The following ARSB variants were observed in gnomAD, a reference collection of about 807,000 sequenced individuals.
ARSB encodes N-acetylgalactosamine-4-sulfatase.
In ARSB, 41 loss-of-function variants were observed where a neutral mutation model predicts 50.9. The observed-to-expected ratio is 0.81, with a 90% confidence interval of 0.63 to 1.04. The LOEUF is 1.04. ARSB is among the 50% of genes least tolerant of loss of function. The pLI, the probability that ARSB is intolerant of heterozygous loss-of-function variation, is 0.00. For missense variants in ARSB, 672 were observed against 693.3 expected (o/e 0.97, Z 0.35); for synonymous variants, 269 against 284.8 (o/e 0.94, Z 0.56).
At chr5:78,907,028 A>G (rs1407671151) in intron 4 of ARSB, among the ~76,000 whole-genome samples, 3 of 152,210 alleles carry the variant, frequency 2.0e-5, no homozygotes, top group Admixed American at 6.5e-5. Context: ...CTTTCGAGGG[A>G]GGCAACATCC....
intron 6 of ARSB, chr5:78,816,260 A>G: frequency 6.6e-7 from 1 of 1,504,304 alleles, no homozygotes; most frequent in Non-Finnish European, 9.0e-7. Context: ...CTCCTTCATT[A>G]TTCTAGTGCC....
intron 4 of ARSB, among the ~76,000 whole-genome samples, chr5:78,898,305 C>T (rs1308030423): frequency 6.6e-6 from 1 of 152,244 alleles, no homozygotes; most frequent in East Asian, 1.9e-4. Flanking sequence ...AAGAAAATTT[C>T]AGGCCCAAAT....
rs1238565304 is a variant in ARSB, at chr5:78,781,893, GCAGCATGGA to G, written c.1286_1294del (p.Val429_Ala431del). 3.1e-6 allele frequency: 5 copies of G among 1,614,074 alleles called. No homozygotes were observed. Among genetic ancestry groups the G allele is most frequent in the Non-Finnish European group, 4.2e-6 (5 of 1,179,948 alleles). Reference sequence around the variant, plus strand: ...GAGTTTCCAATTTCCATGTCTAATTGCAGCATGGACAGATGTGTTAAAGGCTGAATATTC... The same window carrying G: ...GAGTTTCCAATTTCCATGTCTAATTGCAGATGTGTTAAAGGCTGAATATTC... On this transcript the variant is annotated inframe_deletion, in exon 7 of 8. Coordinates refer to ENST00000264914, the MANE Select transcript of ARSB (RefSeq NM_000046.5).
At chr5:78,966,500 C>G (rs1191023264) in intron 2 of ARSB, among the ~76,000 whole-genome samples, 1 of 152,206 alleles carries the variant, frequency 6.6e-6, no homozygotes, top group African/African-American at 2.4e-5. Flanking sequence ...TATTCACAGG[C>G]TTGTGCAACT....
intron 4 of ARSB, among the ~76,000 whole-genome samples, chr5:78,909,346 CTG>C (rs1361977732): frequency 6.6e-6 from 1 of 152,122 alleles, no homozygotes; most frequent in East Asian, 1.9e-4. Context: ...AAAAAATAAT[CTG>C]TGTCTGTGTT....
chr5:78,790,959 C>A (rs1749218577), intron 6 of ARSB, among the ~76,000 whole-genome samples: 1 of 152,222 alleles, frequency 6.6e-6, no homozygotes, highest in African/African-American at 2.4e-5. Context: ...TAATTTACCA[C>A]TTTTAGTCTG....
chr5:78,784,278 A>T (rs959242569), intron 6 of ARSB, among the ~76,000 whole-genome samples: 1 of 152,254 alleles, frequency 6.6e-6, no homozygotes, highest in African/African-American at 2.4e-5. Flanking sequence ...TCAAAAAATT[A>T]AAAATAGAAC....
chr5:78,843,976 T>C (rs1745338110), intron 5 of ARSB, among the ~76,000 whole-genome samples: 1 of 152,228 alleles, frequency 6.6e-6, no homozygotes, highest in Admixed American at 6.5e-5. Context: ...TTGATTGTTT[T>C]CAATATTTGG....
rs979052464 is a variant in ARSB at position 78,956,643 on chromosome 5, T to C, written c.691-1141A>G. ...TCCAAACAAATAATAATATCAGTAA[T>C]GGCAACCACATATTAAATGTTGTCT... is the stretch of plus-strand genomic sequence containing the variant. On this transcript the variant is annotated intron_variant, in intron 3 of 7. Transcript: ENST00000264914. 5.5e-4 allele frequency among the ~76,000 whole-genome samples: 84 copies of C among 152,202 alleles called. 1 individual carries two copies. The highest frequency in any genetic ancestry group is 1.0e-3 in the Non-Finnish European group (70 of 68,030).
intron 6 of ARSB, among the ~76,000 whole-genome samples, chr5:78,798,530 A>G (rs1226814242): frequency 6.6e-6 from 1 of 152,150 alleles, no homozygotes. Context: ...ATTTAGTGCA[A>G]TCCCAACCAC....
intron 6 of ARSB, among the ~76,000 whole-genome samples, chr5:78,813,762 C>T (rs1275987178): frequency 7.0e-6 from 1 of 142,024 alleles, no homozygotes. Flanking sequence ...TCTCACAAAA[C>T]AAAAAAAAAA....
rs75175298 is a variant in ARSB, at chr5:78,923,585, C to A, written c.898+31710G>T. On this transcript the variant is annotated intron_variant, in intron 4 of 7. Coordinates refer to ENST00000264914, the MANE Select transcript of ARSB (RefSeq NM_000046.5). ...TGTGGCTTTTGCTTTAACTATGGATCACAGTCCCTTAAGCTCACGTCGTCA... is the reference window on the plus strand; with the variant it reads ...TGTGGCTTTTGCTTTAACTATGGATAACAGTCCCTTAAGCTCACGTCGTCA... 5.7e-3 allele frequency among the ~76,000 whole-genome samples: 865 copies of A among 152,358 alleles called. 9 individuals carry two copies. The highest frequency in any genetic ancestry group is 8.5e-3 in the Non-Finnish European group (577 of 68,038).
chr5:78,980,744 G>GTGTGTGTGTATA (rs370986799), intron 1 of ARSB, among the ~76,000 whole-genome samples: 1 of 151,504 alleles, frequency 6.6e-6, no homozygotes, highest in Non-Finnish European at 1.5e-5. Flanking sequence ...ATGTGTGTGT[G>GTGTGTGTGTATA]TGTGTGTGTG....
intron 6 of ARSB, among the ~76,000 whole-genome samples, chr5:78,782,798 G>A (rs959940354): frequency 3.9e-5 from 6 of 152,182 alleles, no homozygotes; most frequent in African/African-American, 1.4e-4. Context: ...CCTTGACTTA[G>A]AAAGATTTAA....
At chr5:78,817,982 C>T (rs748560576) in intron 6 of ARSB, among the ~76,000 whole-genome samples, 2 of 152,076 alleles carry the variant, frequency 1.3e-5, no homozygotes, top group African/African-American at 2.4e-5. Context: ...CTCGTCTCTA[C>T]TAAAAATACA....
At chr5:78,963,723 C>A (rs1752091806) in intron 3 of ARSB, among the ~76,000 whole-genome samples, 1 of 152,114 alleles carries the variant, frequency 6.6e-6, no homozygotes. Flanking sequence ...AAAATAAGCT[C>A]ATTGGTATAC....
chr5:78,785,955 T>C (rs1041877371), intron 6 of ARSB, among the ~76,000 whole-genome samples: 1 of 152,200 alleles, frequency 6.6e-6, no homozygotes, highest in African/African-American at 2.4e-5. Flanking sequence ...TAGGGAGACA[T>C]AAGAGGAATT....
intron 6 of ARSB, among the ~76,000 whole-genome samples, chr5:78,793,142 C>T (rs1311401155): frequency 6.7e-6 from 1 of 150,006 alleles, no homozygotes; most frequent in Non-Finnish European, 1.5e-5. Flanking sequence ...CCATCTTCAG[C>T]AGCATCTGTT....
intron 1 of ARSB, among the ~76,000 whole-genome samples, chr5:78,979,122 C>A (rs954344626): frequency 5.9e-5 from 9 of 151,830 alleles, no homozygotes; most frequent in Non-Finnish European, 1.2e-4. Context: ...ATAAAGAAAT[C>A]TTACAACTCA....
Sources: allele counts gnomAD v4.1 joint callset (sites outside exome capture counted in the v4.1 genomes callset), GRCh38; gene constraint gnomAD v4.1.1; transcripts MANE v1.5; gene names NCBI Gene and HGNC (gene_info 2026-07-23, HGNC 2026-07-21).